GALNTL6: variants seen among roughly 807,000 people sequenced by gnomAD.
The protein encoded by GALNTL6 is polypeptide N-acetylgalactosaminyltransferase-like 6.
A neutral mutation model predicts 73.7 loss-of-function variants in GALNTL6; 46 were observed. That is an observed-to-expected ratio of 0.62 (90% CI 0.49 to 0.80). The LOEUF (loss-of-function observed/expected upper bound fraction) is 0.80. GALNTL6 is among the 30% of genes least tolerant of loss of function. The pLI is 0.00. For missense variants in GALNTL6, 604 were observed against 755.0 expected (o/e 0.80, Z 2.34); for synonymous variants, 259 against 263.7 (o/e 0.98, Z 0.17).
rs144108254 is a variant in GALNTL6, at chr4:173,014,128, T to A, written c.1488+4834T>A. Among the ~76,000 whole-genome samples, 13 of 152,188 alleles carry A rather than the reference T, an allele frequency of 8.5e-5. 1 individual carries two copies. Among genetic ancestry groups the A allele is most frequent in the African/African-American group, 2.9e-4 (12 of 41,546 alleles). On this transcript the variant is annotated intron_variant, in intron 11 of 12. Transcript: ENST00000506823. Reference sequence around the variant, plus strand: ...ATAAAAAAGAGTCCATTGAAGGACCTGTATAAGAAAATGCCTTCTGCTGCA... The same window carrying A: ...ATAAAAAAGAGTCCATTGAAGGACCAGTATAAGAAAATGCCTTCTGCTGCA...
intron 5 of GALNTL6, among the ~76,000 whole-genome samples, chr4:172,649,689 T>C (rs1033054952): frequency 6.6e-6 from 1 of 152,098 alleles, no homozygotes; most frequent in Non-Finnish European, 1.5e-5. Context: ...GTATATATAA[T>C]AAGTTAATTA....
At chr4:171,835,048 T>A (rs1401668769) in intron 2 of GALNTL6, among the ~76,000 whole-genome samples, 1 of 152,012 alleles carries the variant, frequency 6.6e-6, no homozygotes, top group Non-Finnish European at 1.5e-5. Flanking sequence ...ACATTCTCCA[T>A]GTTCTTCTTG....
chr4:171,893,245 G>A (rs1193699696), intron 2 of GALNTL6, among the ~76,000 whole-genome samples: 2 of 152,170 alleles, frequency 1.3e-5, no homozygotes, highest in Non-Finnish European at 2.9e-5. Flanking sequence ...TTGCTGAAGG[G>A]ATATGAACTC....
At chr4:172,343,719 A>G (rs1184330402) in intron 4 of GALNTL6, among the ~76,000 whole-genome samples, 2 of 152,150 alleles carry the variant, frequency 1.3e-5, no homozygotes, top group East Asian at 3.9e-4. Flanking sequence ...GAAGAATATG[A>G]GAAAATTTGC....
intron 2 of GALNTL6, among the ~76,000 whole-genome samples, chr4:172,210,112 G>T (rs1377621844): frequency 6.6e-6 from 1 of 152,018 alleles, no homozygotes; most frequent in Non-Finnish European, 1.5e-5. Flanking sequence ...ACAAAAAAGT[G>T]TAACTATTGT....
At chr4:172,221,353 A>G (rs577367201) in intron 2 of GALNTL6, among the ~76,000 whole-genome samples, 1 of 151,880 alleles carries the variant, frequency 6.6e-6, no homozygotes, top group South Asian at 2.1e-4. Flanking sequence ...ATGGAATTCT[A>G]GAATATCCTT....
At chr4:172,679,799 G>C (rs1209464360) in intron 5 of GALNTL6, among the ~76,000 whole-genome samples, 2 of 152,196 alleles carry the variant, frequency 1.3e-5, no homozygotes, top group African/African-American at 2.4e-5. Flanking sequence ...CAATTCTTAA[G>C]TGGCAGTTAC....
intron 2 of GALNTL6, among the ~76,000 whole-genome samples, chr4:172,182,458 A>ACT (rs145253838): frequency 0.064 from 9,640 of 151,434 alleles, 499 homozygotes; most frequent in African/African-American, 0.15. Flanking sequence ...AGAGACTAAG[A>ACT]CTCAGATATC....
chr4:172,981,697 T>C (rs964993330), intron 10 of GALNTL6, among the ~76,000 whole-genome samples: 4 of 151,874 alleles, frequency 2.6e-5, no homozygotes, highest in Non-Finnish European at 4.4e-5. Context: ...TGAGATTCCA[T>C]AGGAATTTAA....
At chr4:173,005,108 G>A (rs368869921) in intron 10 of GALNTL6, among the ~76,000 whole-genome samples, 16 of 7,202 alleles carry the variant, frequency 2.2e-3, no homozygotes, top group Admixed American at 3.6e-3. Flanking sequence ...CTGGGGGGCC[G>A]GTATTAAGCT....
intron 3 of GALNTL6, among the ~76,000 whole-genome samples, chr4:172,302,442 A>T (rs1379979384): frequency 6.6e-6 from 1 of 152,104 alleles, no homozygotes; most frequent in African/African-American, 2.4e-5. Flanking sequence ...TGCAGAAATC[A>T]TTCGTCTTCT....
intron 5 of GALNTL6, among the ~76,000 whole-genome samples, chr4:172,449,032 G>T (rs879873442): frequency 2.6e-5 from 4 of 152,130 alleles, no homozygotes; most frequent in Non-Finnish European, 1.5e-5. Flanking sequence ...GGAGAATATG[G>T]ATACAAGCTG....
At chr4:172,122,308 G>A (rs1733173864) in intron 2 of GALNTL6, among the ~76,000 whole-genome samples, 1 of 151,970 alleles carries the variant, frequency 6.6e-6, no homozygotes, top group Non-Finnish European at 1.5e-5. Flanking sequence ...GGCGTTAAAA[G>A]GGGAAAGAGT....
intron 3 of GALNTL6, among the ~76,000 whole-genome samples, chr4:172,267,068 G>T (rs188354749): frequency 1.8e-4 from 28 of 152,210 alleles, no homozygotes; most frequent in African/African-American, 6.7e-4. Flanking sequence ...AACAGTGATA[G>T]AAAACAATGA....
chr4:172,065,710 A>G (rs1379460464), intron 2 of GALNTL6, among the ~76,000 whole-genome samples: 1 of 152,088 alleles, frequency 6.6e-6, no homozygotes, highest in East Asian at 1.9e-4. Context: ...AATACCAGAC[A>G]TTGGCTAATT....
intron 2 of GALNTL6, among the ~76,000 whole-genome samples, chr4:171,871,433 G>C (rs1257918067): frequency 2.6e-5 from 4 of 152,068 alleles, no homozygotes; most frequent in African/African-American, 9.7e-5. Context: ...GATAAGGGGG[G>C]ACTGTTATAA....
intron 5 of GALNTL6, among the ~76,000 whole-genome samples, chr4:172,532,503 G>A (rs974763978): frequency 6.6e-6 from 1 of 152,198 alleles, no homozygotes; most frequent in Admixed American, 6.5e-5. Flanking sequence ...AAGCCATCCA[G>A]TTTTTAGTAA....
intron 5 of GALNTL6, among the ~76,000 whole-genome samples, chr4:172,451,299 G>A (rs930083562): frequency 6.6e-6 from 1 of 152,234 alleles, no homozygotes; most frequent in South Asian, 2.1e-4. Context: ...TATTTTGAAC[G>A]TTACCAGGAG....
chr4:172,392,181 G>A (rs558940222), intron 5 of GALNTL6, among the ~76,000 whole-genome samples: 70 of 152,126 alleles, frequency 4.6e-4, no homozygotes, highest in African/African-American at 1.7e-3. Context: ...TAGAGGCAGG[G>A]TGTCACCATA....
Sources: allele counts gnomAD v4.1 joint callset (sites outside exome capture counted in the v4.1 genomes callset), GRCh38; gene constraint gnomAD v4.1.1; transcripts MANE v1.5; gene names NCBI Gene and HGNC (gene_info 2026-07-23, HGNC 2026-07-21).